The following MCM6 variants were observed in gnomAD, a reference collection of about 807,000 sequenced individuals.
The protein encoded by MCM6 is minichromosome maintenance complex component 6.
Under a neutral mutation model 94.3 loss-of-function variants are expected in MCM6, and 46 were observed. The ratio of observed to expected loss-of-function variants is 0.49; its 90% CI spans 0.39 to 0.62. The LOEUF (loss-of-function observed/expected upper bound fraction) is 0.62. MCM6 is among the 20% of genes least tolerant of loss of function. The probability of loss-of-function intolerance (pLI) is 0.00; values close to 1 mark genes in which losing one functional copy is unlikely to be tolerated. For missense variants in MCM6, 865 were observed against 1,017.9 expected, an observed-to-expected ratio of 0.85 and a Z score of 2.04; for synonymous variants, 335 against 351.9, an observed-to-expected ratio of 0.95 and a Z score of 0.54.
In MCM6 at chr2:135,872,879, C is replaced by T. The variant is rs374253346; in HGVS notation, c.108-36G>A. On this transcript the variant is annotated intron_variant, in intron 1 of 16. Transcript: ENST00000264156. Reference sequence around the variant, plus strand: ...ATTCGAGTCAACTAGATTAAGGACACAGGCAGTACAAAGAACCTGAATGAT... The same window carrying T: ...ATTCGAGTCAACTAGATTAAGGACATAGGCAGTACAAAGAACCTGAATGAT... 7.5e-6 allele frequency: 12 copies of T among 1,608,680 alleles called. No individual in the cohort carries two copies. The Middle Eastern group carries it at 1.2e-3, about 155-fold the overall frequency.
intron 10 of MCM6, 77 bp from the exon 11 acceptor site, chr2:135,856,960 ACCCATAATTAAC>A: frequency 7.6e-7 from 1 of 1,321,948 alleles, no homozygotes; most frequent in Middle Eastern, 2.1e-4. Context: ...GTTCAATCTC[ACCCATAATTAAC>A]TAAACACAAA....
chr2:135,866,105 C>G lies in MCM6; in HGVS notation c.927+27G>C, dbSNP rs531139523. On this transcript the variant is annotated intron_variant, in intron 6 of 16. Transcript: ENST00000264156. ...TGACAGAGAGAGACTGTTTCAAAAA[C>G]AAACAAAAACCCCCAAAACGACTGA... The G allele has an allele frequency of 4.3e-6, 7 of 1,611,804 alleles. No homozygotes were observed. In the African/African-American group the frequency reaches 9.4e-5, roughly 22 times the overall value.
intron 16 of MCM6, among the ~76,000 whole-genome samples, chr2:135,841,713 G>A (rs567361442): frequency 5.9e-5 from 9 of 152,314 alleles, no homozygotes; most frequent in Admixed American, 5.9e-4. Context: ...CACTCTATGT[G>A]TTAACATACC....
chr2:135,844,012 G>A (rs567838598), intron 16 of MCM6, among the ~76,000 whole-genome samples: 9 of 151,832 alleles, frequency 5.9e-5, no homozygotes, highest in South Asian at 2.1e-4. Flanking sequence ...AGGTTGATGA[G>A]ACAGTAAGAA....
Position 135,866,183 on chromosome 2 carries a change from A to C in MCM6, c.876T>G (p.Leu292=), listed in dbSNP as rs1222700932. Residue 292 remains leucine (L), a synonymous_variant, in exon 6 of 17, where the codon CTT becomes CTG. Coordinates refer to ENST00000264156, the MANE Select transcript of MCM6 (RefSeq NM_005915.6). ...AGGCAAGAAAGACCAGCCTATAAGAAAGGTCCCTAACACCAAGGGCCCGGA... is the reference window on the plus strand; with the variant it reads ...AGGCAAGAAAGACCAGCCTATAAGACAGGTCCCTAACACCAAGGGCCCGGA... The part of the protein sequence containing the change: ...RGLRALGVRD[L]SYRLVFLACC... 6 of 1,614,020 alleles carry C rather than the reference A, an allele frequency of 3.7e-6. No homozygotes were observed. The highest frequency in any genetic ancestry group is 1.7e-5 in the Admixed American group (1 of 59,982).
Position 135,872,274 on chromosome 2 carries a change from C to T in MCM6, c.254+423G>A, listed in dbSNP as rs962087703. ...CAGCCTGACCAACATGGTGACACCCCGTCTCTATTAAAAAATGTAAATAAT... is the reference window on the plus strand; with the variant it reads ...CAGCCTGACCAACATGGTGACACCCTGTCTCTATTAAAAAATGTAAATAAT... On this transcript the variant is annotated intron_variant, in intron 2 of 16. Transcript: ENST00000264156. Among the ~76,000 whole-genome samples, 6 of 152,194 alleles carry T rather than the reference C, an allele frequency of 3.9e-5. No homozygotes were observed. In the East Asian group the frequency reaches 5.8e-4, roughly 15 times the overall value.
At chr2:135,872,591 T>C in intron 2 of MCM6, 106 bp downstream of exon 2, 3 of 1,202,764 alleles carry the variant, frequency 2.5e-6, no homozygotes, top group Non-Finnish European at 3.5e-6. Context: ...GAAATAACTG[T>C]GAAAGCTGAC....
At chr2:135,855,687 C>T (rs1023969666) in intron 11 of MCM6, among the ~76,000 whole-genome samples, 2 of 152,036 alleles carry the variant, frequency 1.3e-5, no homozygotes, top group Non-Finnish European at 2.9e-5. Flanking sequence ...AATCCAAGCC[C>T]TCCAAACACT....
chr2:135,869,885 A>T lies in MCM6; in HGVS notation c.365+366T>A, dbSNP rs533146566. 4.6e-5 allele frequency among the ~76,000 whole-genome samples: 7 copies of T among 152,334 alleles called. No individual in the cohort carries two copies. In the East Asian group the frequency reaches 5.8e-4, roughly 13 times the overall value. ...TTCTCCAACACTAAACTTTCTGGAT[A>T]AGTGGGTATAACTCCTACAAAAGTC... On this transcript the variant is annotated intron_variant, in intron 3 of 16. Transcript: ENST00000264156.
At chr2:135,847,575 A>G (rs1679693074) in intron 14 of MCM6, among the ~76,000 whole-genome samples, 1 of 151,702 alleles carries the variant, frequency 6.6e-6, no homozygotes, top group South Asian at 2.1e-4. Context: ...ATATCTATGT[A>G]TTTTTTGAGA....
intron 16 of MCM6, among the ~76,000 whole-genome samples, chr2:135,842,524 C>T (rs1468150061): frequency 6.6e-6 from 1 of 152,124 alleles, no homozygotes; most frequent in Non-Finnish European, 1.5e-5. Context: ...AAGTCTCTAC[C>T]CTCACAGAGC....
In MCM6 at chr2:135,856,732, T is replaced by C. The variant is rs763819330; in HGVS notation, c.1622A>G (p.Asn541Ser). ...DLFFILVDEC[N>S]EVTDYAIARR... The stretch of plus-strand genomic sequence containing the variant: ...AAAGGAAGCTCATGGGGTTACCTCA[T>C]TACATTCATCCACAAGGATAAAGAA... Residue 541 changes from asparagine (N) to serine (S), a missense_variant, in exon 11 of 17, where the codon AAT becomes AGT. Asn to Ser is a conservative substitution (Grantham distance 46, BLOSUM62 1). Transcript: ENST00000264156. 1.2e-5 allele frequency: 19 copies of C among 1,613,854 alleles called. No individual in the cohort carries two copies. In the African/African-American group the frequency reaches 2.4e-4, roughly 20 times the overall value.
At position 135,862,758 on chromosome 2, in the gene MCM6, A is replaced by G. The variant is rs1324097263; in HGVS notation, c.1079-10T>C. On this transcript the variant is annotated splice_polypyrimidine_tract_variant and intron_variant, in intron 7 of 16. Transcript: ENST00000264156. ...TTTACTTCATCATTGCCTGAAATGA[A>G]AAGAAGCTACAGATGAAAAACTAAT... 11 of 1,612,832 alleles carry G rather than the reference A, an allele frequency of 6.8e-6. No homozygotes were observed. The highest frequency in any genetic ancestry group is 9.3e-6 in the Non-Finnish European group (11 of 1,179,522).
Position 135,840,221 on chromosome 2 carries a change from CT to C in MCM6, c.*613del, listed in dbSNP as rs1679543581. 1 of 112,232 alleles carries C rather than the reference CT, an allele frequency of 8.9e-6. No individual in the cohort carries two copies. The highest frequency in any genetic ancestry group is 1.6e-5 in the Non-Finnish European group (1 of 61,676). The allele number at this position is 112,232 out of a possible 1,614,324, so 7.0% of individuals were successfully genotyped here. ...AAAAAGTATAATAAACTTTTATAAA[CT>C]TAAAAAAAAAAAAAAACAACTGGAA... On this transcript the variant is annotated 3_prime_UTR_variant, in exon 17 of 17. Transcript: ENST00000264156.
chr2:135,872,948 G>T, intron 1 of MCM6, 105 bp from the exon 2 acceptor site: 1 of 1,374,694 alleles, frequency 7.3e-7, no homozygotes, highest in Non-Finnish European at 9.9e-7. Context: ...GCTCAGACAG[G>T]CCCATGTTTG....
chr2:135,845,363 G>T (rs1286170873), intron 15 of MCM6, among the ~76,000 whole-genome samples: 1 of 152,190 alleles, frequency 6.6e-6, no homozygotes, highest in Non-Finnish European at 1.5e-5. Flanking sequence ...GTATGAGGGA[G>T]AAAGAGAATA....
chr2:135,857,021 C>T (rs1165770066), intron 10 of MCM6, 138 bp from the exon 11 acceptor site: 4 of 717,290 alleles, frequency 5.6e-6, no homozygotes, highest in Non-Finnish European at 8.9e-6. Flanking sequence ...TAAACAGGAA[C>T]TCCTATGTGA....
intron 15 of MCM6, among the ~76,000 whole-genome samples, 156 bp downstream of exon 15, chr2:135,846,081 T>C (rs1021205584): frequency 6.6e-6 from 1 of 152,172 alleles, no homozygotes; most frequent in Non-Finnish European, 1.5e-5. Context: ...GCAGGTATGC[T>C]GATACTCCAC....
At chr2:135,862,041 T>A (rs762910640) in intron 8 of MCM6, among the ~76,000 whole-genome samples, 2 of 152,166 alleles carry the variant, frequency 1.3e-5, no homozygotes, top group African/African-American at 4.8e-5. Flanking sequence ...ACTGCATCTA[T>A]ATCGGTAATT....
Sources: gnomAD v4.1 joint callset for allele counts (sites outside exome capture counted in the v4.1 genomes callset) on GRCh38, gnomAD v4.1.1 for gene constraint, MANE v1.5 for transcripts, NCBI Gene and HGNC (gene_info 2026-07-23, HGNC 2026-07-21) for gene names.